NRG4: variants seen among roughly 807,000 people sequenced by gnomAD.
NRG4 encodes neuregulin 4, also known as pro-neuregulin-4, membrane-bound isoform.
In NRG4, 10 loss-of-function variants were observed where a neutral mutation model predicts 15.0. The observed-to-expected ratio is 0.67, with a 90% confidence interval of 0.41 to 1.13. The LOEUF (loss-of-function observed/expected upper bound fraction) is 1.13, where lower values mean the gene tolerates loss of function less well. NRG4 is among the 50% of genes most tolerant of loss of function. NRG4 has a pLI of 0.00. For missense variants in NRG4, 139 were observed against 140.2 expected, an observed-to-expected ratio of 0.99 and a Z score of 0.04; for synonymous variants, 41 against 50.1, an observed-to-expected ratio of 0.82 and a Z score of 0.77.
rs1398509488 is a variant in NRG4, at chr15:75,941,223, A to G, written c.*2415T>C. On this transcript the variant is annotated 3_prime_UTR_variant, in exon 6 of 6. Transcript: ENST00000394907. ...CAGTAAGGAAATGCAAATCAAAACC[A>G]CATTGAGATACCACTTCATACCCAC... 2.6e-5 allele frequency: 4 copies of G among 152,180 alleles called. No individual in the cohort carries two copies. The allele number at this position is 152,180 out of a possible 1,614,324, so 9.4% of individuals were successfully genotyped here. A position where few individuals can be genotyped will look rare whatever the true frequency, so the allele number is the denominator to read the frequency against.
Position 75,958,280 on chromosome 15 carries a change from G to A in NRG4, c.252-2269C>T, listed in dbSNP as rs548686832. On this transcript the variant is annotated intron_variant, in intron 4 of 5. Coordinates refer to ENST00000394907, the MANE Select transcript of NRG4 (RefSeq NM_138573.4). ...GCCCTCCTCGGCCTCCCAAAGTGCTGGGATTACAGGCATCAGCCACCGTGC... is the reference window on the plus strand; with the variant it reads ...GCCCTCCTCGGCCTCCCAAAGTGCTAGGATTACAGGCATCAGCCACCGTGC... 2.0e-5 allele frequency among the ~76,000 whole-genome samples: 3 copies of A among 152,122 alleles called. No homozygotes were observed. In the South Asian group the frequency reaches 6.2e-4, roughly 31 times the overall value.
intron 5 of NRG4, among the ~76,000 whole-genome samples, chr15:76,032,973 T>C (rs193090694): frequency 4.1e-4 from 62 of 152,380 alleles, no homozygotes; most frequent in African/African-American, 1.4e-3. Context: ...CCTATCATAC[T>C]GGACTCAGCA....
intron 5 of NRG4, among the ~76,000 whole-genome samples, chr15:76,019,240 C>A (rs906271049): frequency 1.3e-5 from 2 of 152,166 alleles, no homozygotes; most frequent in Non-Finnish European, 2.9e-5. Context: ...GCGAGAATTT[C>A]AAGCCAGTGG....
rs202089938 is a variant in NRG4 at position 76,030,261 on chromosome 15, AAAC to A, written c.-57+5680_-57+5682del. On this transcript the variant is annotated intron_variant, in intron 5 of 8. Coordinates refer to the NRG4 transcript ENST00000563910. ...GCAACAGAGTGAGACTCTGTCTCAA[AAAC>A]AACAACAACAAACAAACAAACAAAC... 5.9e-3 allele frequency among the ~76,000 whole-genome samples: 898 copies of A among 152,220 alleles called. 11 individuals are homozygous for A. Among genetic ancestry groups the A allele is most frequent in the African/African-American group, 0.019 (793 of 41,514 alleles).
Position 76,022,420 on chromosome 15 carries a change from ATT to A in NRG4, c.-56-11136_-56-11135del, listed in dbSNP as rs1056846559. Among the ~76,000 whole-genome samples the A allele has an allele frequency of 2.3e-4, 20 of 85,476 alleles. No homozygotes were observed. The East Asian group carries it at 6.8e-3, about 29-fold the overall frequency. 56.1% of individuals were successfully genotyped at this position (85,476 alleles called of 152,430 possible). A position where few individuals can be genotyped will look rare whatever the true frequency, so the allele number is the denominator to read the frequency against. ...TTCACAGACACATATGTATGTCAATATTTTTACACACACACACACACACACAC... is the reference window on the plus strand; with the variant it reads ...TTCACAGACACATATGTATGTCAATATTTACACACACACACACACACACAC... On this transcript the variant is annotated intron_variant, in intron 5 of 8. Coordinates refer to the NRG4 transcript ENST00000563910.
At chr15:75,967,112 C>CA (rs1300663699) in intron 3 of NRG4, among the ~76,000 whole-genome samples, 4,601 of 50,382 alleles carry the variant, frequency 0.091, 338 homozygotes, top group African/African-American at 0.21. Context: ...GACTCCGTCT[C>CA]AAAAAAAAAA....
intron 2 of NRG4, 55 bp from the exon 3 acceptor site, chr15:76,009,348 C>G: frequency 1.3e-6 from 1 of 776,386 alleles, no homozygotes; most frequent in East Asian, 2.8e-5. Flanking sequence ...TTTCCTAATG[C>G]AACAAGGAAT....
chr15:76,021,157 A>T (rs1378499290), intron 5 of NRG4, among the ~76,000 whole-genome samples: 1 of 152,214 alleles, frequency 6.6e-6, no homozygotes, highest in Non-Finnish European at 1.5e-5. Flanking sequence ...CTTAAGAATT[A>T]TGCTAAATCT....
chr15:75,952,592 GT>G (rs534824735), intron 5 of NRG4, among the ~76,000 whole-genome samples: 2,648 of 142,818 alleles, frequency 0.019, 84 homozygotes, highest in African/African-American at 0.062. Flanking sequence ...CCTCCTCAAA[GT>G]TTTTTTTTTT....
At chr15:76,050,025 T>C (rs551842750) in intron 4 of NRG4, among the ~76,000 whole-genome samples, 2 of 151,134 alleles carry the variant, frequency 1.3e-5, no homozygotes, top group Non-Finnish European at 2.9e-5. Flanking sequence ...CATATGACTA[T>C]TTCTGTGCTC....
chr15:76,009,246 CA>C lies in NRG4; in HGVS notation c.57del (p.Asn19LysfsTer7), dbSNP rs1567108122. On this transcript the variant is annotated frameshift_variant, in exon 3 of 6. Coordinates refer to ENST00000394907, the MANE Select transcript of NRG4 (RefSeq NM_138573.4). LOFTEE classifies it high-confidence loss of function. ...CGPSHKSFCL[N>X]GGLCYVIPTI... Reference sequence around the variant, plus strand: ...GTAGGTATCACATAACAAAGCCCCCCATTCAGGCAAAACGACTTGTGACTGG... The same window carrying C: ...GTAGGTATCACATAACAAAGCCCCCCTTCAGGCAAAACGACTTGTGACTGG... 1 of 1,605,182 alleles carries C rather than the reference CA, an allele frequency of 6.2e-7. No individual in the cohort carries two copies. The highest frequency in any genetic ancestry group is 8.5e-7 in the Non-Finnish European group (1 of 1,173,728).
At chr15:76,055,392 T>C (rs2036128823) in intron 2 of NRG4, among the ~76,000 whole-genome samples, 1 of 152,234 alleles carries the variant, frequency 6.6e-6, no homozygotes, top group Admixed American at 6.5e-5. Flanking sequence ...AGTGGTCACA[T>C]AGAACAATGT....
At chr15:75,963,396 C>A (rs1043901332) in intron 3 of NRG4, among the ~76,000 whole-genome samples, 1 of 152,150 alleles carries the variant, frequency 6.6e-6, no homozygotes, top group African/African-American at 2.4e-5. Flanking sequence ...CTACTCCCAG[C>A]ACTTTGGGAG....
chr15:75,998,690 T>C (rs2141886468), intron 3 of NRG4, among the ~76,000 whole-genome samples: 1 of 152,140 alleles, frequency 6.6e-6, no homozygotes, highest in East Asian at 1.9e-4. Context: ...AATTTACATA[T>C]GGAAACAGAT....
upstream of NRG4, among the ~76,000 whole-genome samples, chr15:76,012,771 T>C (rs909483278): frequency 1.6e-4 from 25 of 151,548 alleles, no homozygotes; most frequent in African/African-American, 6.1e-4. Context: ...TTATGTTTTA[T>C]GAGGTTTGTG....
At chr15:76,005,679 G>C (rs76022223) in intron 3 of NRG4, 1 of 140,862 alleles carries the variant, frequency 7.1e-6, no homozygotes, top group East Asian at 1.8e-4. Context: ...CTCTGTCTCA[G>C]AAAAAAAAAA....
chr15:75,997,094 T>TTA (rs2034243123), intron 3 of NRG4, among the ~76,000 whole-genome samples: 1 of 152,136 alleles, frequency 6.6e-6, no homozygotes, highest in Admixed American at 6.5e-5. Flanking sequence ...AGAGCTGATG[T>TTA]TATACATTTA....
chr15:75,992,455 G>C (rs2034053159), intron 3 of NRG4, among the ~76,000 whole-genome samples: 1 of 151,760 alleles, frequency 6.6e-6, no homozygotes, highest in Non-Finnish European at 1.5e-5. Flanking sequence ...TCTTTATATT[G>C]CCTTCATTTT....
intron 3 of NRG4, among the ~76,000 whole-genome samples, chr15:75,980,284 T>C (rs1399261673): frequency 6.6e-6 from 1 of 151,948 alleles, no homozygotes; most frequent in Non-Finnish European, 1.5e-5. Flanking sequence ...ACTCCAGAGA[T>C]AGGGAAAACA....
Sources: gnomAD v4.1 joint callset for allele counts (sites outside exome capture counted in the v4.1 genomes callset) on GRCh38, gnomAD v4.1.1 for gene constraint, MANE v1.5 for transcripts, NCBI Gene and HGNC (gene_info 2026-07-23, HGNC 2026-07-21) for gene names.